The following SARNP variants were observed in gnomAD, a reference collection of about 807,000 sequenced individuals.
SARNP encodes the protein SAP domain containing ribonucleoprotein.
SARNP carries 5 observed loss-of-function variants against 38.1 expected under a neutral mutation model. That is an observed-to-expected ratio of 0.13 (90% CI 0.07 to 0.28). SARNP has a LOEUF of 0.28. Among genes scored for constraint, SARNP ranks in the 10% least tolerant of loss-of-function variants. The probability of loss-of-function intolerance (pLI) is 1.00; values close to 1 mark genes in which losing one functional copy is unlikely to be tolerated. For synonymous variants in SARNP, 84 were observed against 80.6 expected, an observed-to-expected ratio of 1.04 and a Z score of -0.23; for missense variants, 180 against 243.9, an observed-to-expected ratio of 0.74 and a Z score of 1.75.
At chr12:55,807,480 G>C (rs574687054) in intron 1 of SARNP, among the ~76,000 whole-genome samples, 18 of 151,838 alleles carry the variant, frequency 1.2e-4, no homozygotes, top group African/African-American at 4.3e-4. Context: ...GACCAGCCTG[G>C]GAAACACCAT....
At chr12:55,758,928 A>T (rs1878595989) in intron 10 of SARNP, among the ~76,000 whole-genome samples, 2 of 142,596 alleles carry the variant, frequency 1.4e-5, no homozygotes, top group African/African-American at 2.6e-5. Context: ...TTTTTTTGAG[A>T]CAGTCTTGCT....
intron 9 of SARNP, among the ~76,000 whole-genome samples, chr12:55,784,065 G>C (rs1465944004): frequency 2.0e-5 from 3 of 152,050 alleles, no homozygotes; most frequent in Non-Finnish European, 2.9e-5. Context: ...AAGCACGCAG[G>C]GTCGTAAGTT....
At chr12:55,764,858 G>C (rs1878783030) in intron 9 of SARNP, among the ~76,000 whole-genome samples, 2 of 147,650 alleles carry the variant, frequency 1.4e-5, no homozygotes, top group Non-Finnish European at 3.0e-5. Flanking sequence ...AAAAAAGGAA[G>C]GTTTCCAACA....
chr12:55,804,661 T>C (rs1302199296), intron 1 of SARNP, among the ~76,000 whole-genome samples: 1 of 152,134 alleles, frequency 6.6e-6, no homozygotes, highest in Non-Finnish European at 1.5e-5. Context: ...ATAGACTCCA[T>C]AATAAACGAT....
chr12:55,769,819 T>TA (rs1463418770), intron 9 of SARNP, among the ~76,000 whole-genome samples: 1 of 152,260 alleles, frequency 6.6e-6, no homozygotes, highest in Non-Finnish European at 1.5e-5. Flanking sequence ...TTGTGTTAGA[T>TA]GATTTTGCCC....
At chr12:55,803,146 G>A (rs550892154) in intron 2 of SARNP, among the ~76,000 whole-genome samples, 2 of 152,090 alleles carry the variant, frequency 1.3e-5, no homozygotes, top group African/African-American at 2.4e-5. Context: ...AAGGGAATAC[G>A]TAAATAAAAA....
intron 9 of SARNP, among the ~76,000 whole-genome samples, chr12:55,774,456 A>G (rs1879101546): frequency 2.0e-5 from 3 of 149,408 alleles, no homozygotes; most frequent in Admixed American, 1.3e-4. Context: ...ACGGTGGCTC[A>G]TGCCTGTAAT....
At chr12:55,766,680 T>C (rs1214101116) in intron 9 of SARNP, among the ~76,000 whole-genome samples, 2 of 136,356 alleles carry the variant, frequency 1.5e-5, no homozygotes, top group Non-Finnish European at 3.0e-5. Flanking sequence ...TGGAGTGTAG[T>C]GGCTCAATGT....
At chr12:55,767,895 TACAAATAA>T (rs1489608274) in intron 9 of SARNP, among the ~76,000 whole-genome samples, 4 of 96,926 alleles carry the variant, frequency 4.1e-5, no homozygotes, top group Non-Finnish European at 6.9e-5. Flanking sequence ...CACACACAAA[TACAAATAA>T]ACAAATAAAT....
At chr12:55,756,651 G>T (rs1878513237), downstream of SARNP, 1 of 152,118 alleles carries the variant, frequency 6.6e-6, no homozygotes, top group Non-Finnish European at 1.5e-5. Flanking sequence ...AAAAGATTAA[G>T]CAGGTTTCAG....
At chr12:55,817,383 A>G (rs117131182) in intron 1 of SARNP, among the ~76,000 whole-genome samples, 6 of 152,242 alleles carry the variant, frequency 3.9e-5, no homozygotes, top group South Asian at 2.1e-4. Context: ...AACGAAGAGT[A>G]TAACAGGTAG....
At chr12:55,761,067 C>G (rs11171671) in intron 9 of SARNP, among the ~76,000 whole-genome samples, 12,358 of 151,840 alleles carry the variant, frequency 0.081, 691 homozygotes, top group African/African-American at 0.15. Flanking sequence ...ATCCCAGCTA[C>G]TAGGGAGGCT....
Position 55,774,558 on chromosome 12 carries a change from T to TAA in SARNP, c.502-13919_502-13918insTT, listed in dbSNP as rs1565673497. ...CGACACGGTGAAACCCCGTCTCTACTGAAAAAAAAAAAAAAACAAACAAAA... is the reference window on the plus strand; with the variant it reads ...CGACACGGTGAAACCCCGTCTCTACTAAGAAAAAAAAAAAAAAACAAACAAAA... On this transcript the variant is annotated intron_variant, in intron 9 of 10. Coordinates refer to ENST00000336133, the MANE Select transcript of SARNP (RefSeq NM_033082.4). 1.1e-3 allele frequency among the ~76,000 whole-genome samples: 46 copies of TAA among 40,520 alleles called. 1 individual carries two copies. The highest frequency in any genetic ancestry group is 1.7e-3 in the African/African-American group (38 of 22,448). The allele number at this position is 40,520 out of a possible 152,430, so 26.6% of individuals were successfully genotyped here. A position where few individuals can be genotyped will look rare whatever the true frequency, so the allele number is the denominator to read the frequency against.
chr12:55,810,956 A>C (rs1431149541), intron 1 of SARNP, among the ~76,000 whole-genome samples: 1 of 151,992 alleles, frequency 6.6e-6, no homozygotes, highest in South Asian at 2.1e-4. Context: ...AGGCACCTGT[A>C]ATCCCAGCTA....
In SARNP at chr12:55,803,737, A is replaced by G; in HGVS notation, c.37-9T>C. 6.2e-7 allele frequency: 1 copy of G among 1,600,648 alleles called. No individual in the cohort carries two copies. Among genetic ancestry groups the G allele is most frequent in the Non-Finnish European group, 8.6e-7 (1 of 1,168,942 alleles). On this transcript the variant is annotated splice_polypyrimidine_tract_variant and intron_variant, in intron 1 of 10. Transcript: ENST00000336133. Reference sequence around the variant, plus strand: ...TGCTTTAGTTCGGCAAGCTGAGGGGAAAAAAATAAAACTTTTCCTTAGTTA... The same window carrying G: ...TGCTTTAGTTCGGCAAGCTGAGGGGGAAAAAATAAAACTTTTCCTTAGTTA...
Position 55,789,099 on chromosome 12 carries a change from C to G in SARNP, c.477G>C (p.Leu159Phe). Residue 159 changes from leucine to phenylalanine, a missense_variant, in exon 9 of 11, where the codon TTG becomes TTC. Physicochemically the swap from Leu to Phe is conservative, Grantham distance 22. This residue lies in a region of SARNP where 161 missense variants were observed against 194.1 expected (regional missense o/e 0.83). Coordinates refer to ENST00000336133, the MANE Select transcript of SARNP (RefSeq NM_033082.4). ...KLKERAQRFGLNVSSISRKSE... is the reference protein window; with the variant it reads ...KLKERAQRFGFNVSSISRKSE... The stretch of plus-strand genomic sequence containing the variant: ...CCTTTCTGGAGATTGAAGAGACATT[C>G]AAACCAAATCTTTGAGCTCTTTCCT... 1 of 1,604,536 alleles carries G rather than the reference C, an allele frequency of 6.2e-7. No homozygotes were observed. The highest frequency in any genetic ancestry group is 8.5e-7 in the Non-Finnish European group (1 of 1,176,616).
chr12:55,800,929 G>A, intron 2 of SARNP, 29 bp from the exon 3 acceptor site: 1 of 1,583,872 alleles, frequency 6.3e-7, no homozygotes, highest in Non-Finnish European at 8.7e-7. Flanking sequence ...TTCAGGTCAA[G>A]CCCTGCTACA....
At chr12:55,806,275 AT>A (rs1156430335) in intron 1 of SARNP, among the ~76,000 whole-genome samples, 14,145 of 142,656 alleles carry the variant, frequency 0.099, 842 homozygotes, top group African/African-American at 0.18. Context: ...ATTAAAAAAA[AT>A]TTTTTTTTTT....
At chr12:55,807,950 T>G (rs1311969503) in intron 1 of SARNP, among the ~76,000 whole-genome samples, 1 of 152,198 alleles carries the variant, frequency 6.6e-6, no homozygotes, top group Non-Finnish European at 1.5e-5. Flanking sequence ...ATAAAAGTAT[T>G]ATGTTCACTG....
Sources: gnomAD v4.1 joint callset for allele counts (sites outside exome capture counted in the v4.1 genomes callset) on GRCh38, gnomAD v4.1.1 for gene constraint, gnomAD v4.1.1 regional missense constraint, MANE v1.5 for transcripts, NCBI Gene and HGNC (gene_info 2026-07-23, HGNC 2026-07-21) for gene names.